PCDH11X: variants seen among roughly 807,000 people sequenced by gnomAD.
The protein encoded by PCDH11X is protocadherin-11 X-linked.
In PCDH11X, 18 loss-of-function variants were observed where a neutral mutation model predicts 53.3. The observed-to-expected ratio is 0.34, with a 90% confidence interval of 0.23 to 0.50. The LOEUF (loss-of-function observed/expected upper bound fraction) is 0.50, where lower values mean the gene tolerates loss of function less well. Among genes scored for constraint, PCDH11X ranks in the 20% least tolerant of loss-of-function variants. The pLI is 0.98. For missense variants in PCDH11X, 570 were observed against 1,032.4 expected, an observed-to-expected ratio of 0.55 and a Z score of 6.14; for synonymous variants, 279 against 393.3, an observed-to-expected ratio of 0.71 and a Z score of 3.44.
chrX:91,939,302 T>C, intron 6 of PCDH11X, among the ~76,000 whole-genome samples: 1 of 110,925 alleles, frequency 9.0e-6, no homozygotes, highest in Non-Finnish European at 1.9e-5. Flanking sequence ...CAAAATGAAA[T>C]ACAGAATAAT....
chrX:92,336,316 C>G (rs1311952336), intron 8 of PCDH11X, among the ~76,000 whole-genome samples: 2 of 111,357 alleles, frequency 1.8e-5, no homozygotes, highest in Non-Finnish European at 3.8e-5. Context: ...AAAATTGAAT[C>G]TTGAGATATT....
At chrX:92,063,450 G>T (rs949007900) in intron 6 of PCDH11X, among the ~76,000 whole-genome samples, 1 of 110,819 alleles carries the variant, frequency 9.0e-6, no homozygotes, top group Non-Finnish European at 1.9e-5. Context: ...TGTATCTCCT[G>T]GGTTATTTTA....
intron 8 of PCDH11X, among the ~76,000 whole-genome samples, chrX:92,316,776 T>C (rs2069085629): frequency 9.0e-6 from 1 of 111,067 alleles, no homozygotes; most frequent in Non-Finnish European, 1.9e-5. Flanking sequence ...GTATTTCAAG[T>C]TCAAAGGGAT....
intron 6 of PCDH11X, among the ~76,000 whole-genome samples, chrX:92,056,557 T>C (rs980641661): frequency 7.1e-4 from 79 of 111,308 alleles, no homozygotes; most frequent in Non-Finnish European, 2.5e-4. Flanking sequence ...TTGTCATTTT[T>C]TGCTTTTGTT....
intron 6 of PCDH11X, among the ~76,000 whole-genome samples, chrX:92,153,361 C>G (rs866503814): frequency 9.2e-6 from 1 of 108,300 alleles, no homozygotes; most frequent in Non-Finnish European, 1.9e-5. Context: ...CACACACACA[C>G]AGAAGACAAT....
chrX:92,060,809 T>C (rs959454797), intron 6 of PCDH11X, among the ~76,000 whole-genome samples: 1 of 111,701 alleles, frequency 9.0e-6, no homozygotes, highest in Non-Finnish European at 1.9e-5. Flanking sequence ...TGAGTCCTTA[T>C]GGTAGAACAA....
At chrX:92,272,557 T>C (rs1482812365) in intron 8 of PCDH11X, among the ~76,000 whole-genome samples, 2 of 112,536 alleles carry the variant, frequency 1.8e-5, no homozygotes, top group African/African-American at 6.5e-5. Flanking sequence ...ATTTCCAGAA[T>C]TAATTTTTAT....
At chrX:92,506,155 T>C (rs1277201350) in intron 10 of PCDH11X, among the ~76,000 whole-genome samples, 1 of 109,202 alleles carries the variant, frequency 9.2e-6, no homozygotes, top group African/African-American at 3.3e-5. Flanking sequence ...ATTCTTTTTT[T>C]AACATTATCT....
intron 6 of PCDH11X, among the ~76,000 whole-genome samples, chrX:91,888,233 A>C (rs779138055): frequency 7.8e-4 from 87 of 112,158 alleles, no homozygotes; most frequent in African/African-American, 2.6e-3. Context: ...AAAATGAACT[A>C]TTCCAATAGA....
chrX:92,016,851 A>G (rs1602686798), intron 6 of PCDH11X, among the ~76,000 whole-genome samples: 1 of 110,873 alleles, frequency 9.0e-6, no homozygotes, highest in East Asian at 2.8e-4. Flanking sequence ...TTGGCACAAG[A>G]AGCCTAGTTT....
intron 9 of PCDH11X, among the ~76,000 whole-genome samples, chrX:92,408,783 C>T (rs1358705049): frequency 9.2e-6 from 1 of 108,916 alleles, no homozygotes; most frequent in African/African-American, 3.4e-5. Flanking sequence ...GGGGTTTCAC[C>T]GTGTTAGCCA....
chrX:92,074,891 C>T (rs1260487511), intron 6 of PCDH11X, among the ~76,000 whole-genome samples: 1 of 110,652 alleles, frequency 9.0e-6, no homozygotes, highest in Non-Finnish European at 1.9e-5. Flanking sequence ...ATTATTCCAT[C>T]GCTCAAAATT....
chrX:92,361,912 C>T (rs1240735670), intron 8 of PCDH11X, among the ~76,000 whole-genome samples: 1 of 111,373 alleles, frequency 9.0e-6, no homozygotes, highest in Admixed American at 9.6e-5. Flanking sequence ...TAAGTGGACT[C>T]ATGTACTATT....
chrX:92,222,491 C>A (rs2066900212), intron 7 of PCDH11X, among the ~76,000 whole-genome samples: 1 of 111,451 alleles, frequency 9.0e-6, no homozygotes, highest in South Asian at 3.8e-4. Context: ...CATTGTAGAG[C>A]ATCCCGATCT....
chrX:92,153,219 T>TA (rs2065471614), intron 6 of PCDH11X, among the ~76,000 whole-genome samples: 1 of 109,302 alleles, frequency 9.1e-6, no homozygotes, highest in Non-Finnish European at 1.9e-5. Context: ...TGCATCTGTA[T>TA]AGTTCCTTTG....
intron 6 of PCDH11X, among the ~76,000 whole-genome samples, chrX:92,099,989 TAAAG>T (rs2064209816): frequency 9.0e-6 from 1 of 111,217 alleles, no homozygotes; most frequent in Non-Finnish European, 1.9e-5. Flanking sequence ...TTAAAGAAAA[TAAAG>T]AACATATATT....
intron 9 of PCDH11X, among the ~76,000 whole-genome samples, chrX:92,415,026 A>C (rs1603305273): frequency 9.0e-6 from 1 of 111,087 alleles, no homozygotes; most frequent in East Asian, 2.8e-4. Flanking sequence ...CAGTAATGCT[A>C]ATTTGGAGAG....
chrX:92,076,697 ATGGCATT>A (rs1160007536), intron 6 of PCDH11X, among the ~76,000 whole-genome samples: 1 of 111,767 alleles, frequency 8.9e-6, no homozygotes. Context: ...TTTATTTTTA[ATGGCATT>A]TGGCTTTTTT....
rs1192009315 is a variant in PCDH11X, at chrX:92,329,205, T to C, written c.3145-58530T>C. Among the ~76,000 whole-genome samples, 4 of 111,732 alleles carry C rather than the reference T, an allele frequency of 3.6e-5. No homozygotes were observed. The East Asian group carries it at 1.1e-3, about 32-fold the overall frequency. On this transcript the variant is annotated intron_variant, in intron 8 of 10. Coordinates refer to ENST00000682573, the MANE Select transcript of PCDH11X (RefSeq NM_032968.5). ...AAAATCATATAAGTATCTCAATAGA[T>C]GCGGAAGAATAATATGACAAAATCT...
Sources: gnomAD v4.1 joint callset for allele counts (sites outside exome capture counted in the v4.1 genomes callset) on GRCh38, gnomAD v4.1.1 for gene constraint, MANE v1.5 for transcripts, NCBI Gene and HGNC (gene_info 2026-07-23, HGNC 2026-07-21) for gene names.